The following AFF3 variants were observed in gnomAD, a reference collection of about 807,000 sequenced individuals.
AFF3 encodes ALF transcription elongation factor 3, also known as AF4/FMR2 family member 3.
In AFF3, 32 loss-of-function variants were observed where a neutral mutation model predicts 129.7. The ratio of observed to expected loss-of-function variants is 0.25; its 90% CI spans 0.19 to 0.33. AFF3 has a LOEUF of 0.33. Among genes scored for constraint, AFF3 ranks in the 10% least tolerant of loss-of-function variants. AFF3 has a pLI of 1.00. For synonymous variants in AFF3, 644 were observed against 635.4 expected (o/e 1.01, Z -0.20); for missense variants, 1,373 against 1,592.0 (o/e 0.86, Z 2.34).
intron 7 of AFF3, among the ~76,000 whole-genome samples, chr2:100,000,512 GCA>G (rs67954752): frequency 0.053 from 7,812 of 148,638 alleles, 649 homozygotes; most frequent in African/African-American, 0.18. Context: ...TAGCACGCGC[GCA>G]CACACACACA....
chr2:99,879,131 C>T (rs992860060), intron 7 of AFF3, among the ~76,000 whole-genome samples: 2 of 152,126 alleles, frequency 1.3e-5, no homozygotes, highest in African/African-American at 2.4e-5. Flanking sequence ...ACATAAAGCA[C>T]GCAGTTCTAA....
At chr2:99,617,974 GGGGATAAATTACCAGGCTTC>G (rs1681605702) in intron 13 of AFF3, among the ~76,000 whole-genome samples, 1 of 152,114 alleles carries the variant, frequency 6.6e-6, no homozygotes, top group East Asian at 1.9e-4. Flanking sequence ...CCCAACAAGT[GGGGATAAATTACCAGGCTTC>G]TGGTCCCATT....
At chr2:99,669,737 AGGCG>A (rs1686985805) in intron 12 of AFF3, among the ~76,000 whole-genome samples, 1 of 152,178 alleles carries the variant, frequency 6.6e-6, no homozygotes, top group Non-Finnish European at 1.5e-5. Flanking sequence ...TGGGAGGCCG[AGGCG>A]GGTGGATCAC....
intron 15 of AFF3, among the ~76,000 whole-genome samples, chr2:99,591,768 G>T (rs968240679): frequency 1.3e-5 from 2 of 152,140 alleles, no homozygotes; most frequent in Non-Finnish European, 2.9e-5. Flanking sequence ...ATTTCTTATT[G>T]TGACGCTCTG....
chr2:99,865,616 T>C (rs1691332104), intron 7 of AFF3, among the ~76,000 whole-genome samples: 1 of 152,226 alleles, frequency 6.6e-6, no homozygotes, highest in Non-Finnish European at 1.5e-5. Flanking sequence ...CAGCCCTGTG[T>C]GTCTAAAACT....
At chr2:99,933,176 T>C (rs1025683020) in intron 7 of AFF3, among the ~76,000 whole-genome samples, 9 of 152,142 alleles carry the variant, frequency 5.9e-5, no homozygotes, top group African/African-American at 2.2e-4. Flanking sequence ...ACTTAATTTC[T>C]CTGTCTTTGA....
chr2:99,653,818 T>G (rs371092369), intron 12 of AFF3, among the ~76,000 whole-genome samples: 1 of 151,998 alleles, frequency 6.6e-6, no homozygotes, highest in South Asian at 2.1e-4. Context: ...ACATGATGTA[T>G]GCTACCACGC....
chr2:99,968,723 G>GC (rs1313950082), intron 7 of AFF3, among the ~76,000 whole-genome samples: 1 of 152,132 alleles, frequency 6.6e-6, no homozygotes, highest in Non-Finnish European at 1.5e-5. Context: ...GGGACAAATG[G>GC]CCCATGGTTA....
At chr2:100,083,334 C>T (rs952584819) in intron 4 of AFF3, among the ~76,000 whole-genome samples, 4 of 152,198 alleles carry the variant, frequency 2.6e-5, no homozygotes, top group Non-Finnish European at 4.4e-5. Context: ...GACAAGAGAA[C>T]GCCCTACAGG....
intron 8 of AFF3, among the ~76,000 whole-genome samples, chr2:99,786,189 G>A (rs1279896625): frequency 6.6e-6 from 1 of 152,150 alleles, no homozygotes; most frequent in East Asian, 1.9e-4. Flanking sequence ...TTTTTATTCT[G>A]ACTGCCATTT....
At chr2:99,588,951 T>C (rs1266343985) in intron 15 of AFF3, among the ~76,000 whole-genome samples, 1 of 152,246 alleles carries the variant, frequency 6.6e-6, no homozygotes, top group African/African-American at 2.4e-5. Flanking sequence ...TCAGGCTTAC[T>C]GTAAATGAAG....
chr2:99,606,790 T>C (rs1377266836), intron 13 of AFF3, among the ~76,000 whole-genome samples: 6 of 151,780 alleles, frequency 4.0e-5, no homozygotes, highest in Non-Finnish European at 7.4e-5. Context: ...GGCAGGCACC[T>C]GTAGTCCCAG....
chr2:99,678,972 A>G (rs545138094), intron 11 of AFF3, among the ~76,000 whole-genome samples: 1 of 152,328 alleles, frequency 6.6e-6, no homozygotes, highest in East Asian at 1.9e-4. Context: ...TGTTCGGAAG[A>G]ACTTAGCTCA....
rs1685161949 is a variant in AFF3 at position 99,791,174 on chromosome 2, C to T, written c.922-38873G>A. ...GATAGGAGAGTAAGGGTTGAGGTTC[C>T]TCTTCTTTTTCTTTATTCAAGATGG... On this transcript the variant is annotated intron_variant, in intron 8 of 24. Coordinates refer to ENST00000672756, the MANE Select transcript of AFF3 (RefSeq NM_001386135.1). Among the ~76,000 whole-genome samples the T allele has an allele frequency of 2.0e-5, 3 of 152,100 alleles. No individual in the cohort carries two copies. The South Asian group carries it at 6.2e-4, about 32-fold the overall frequency.
intron 7 of AFF3, among the ~76,000 whole-genome samples, chr2:99,900,017 C>A (rs1370362271): frequency 6.6e-6 from 1 of 152,098 alleles, no homozygotes; most frequent in East Asian, 1.9e-4. Context: ...CTGCAATGAT[C>A]CCATAAGATT....
At chr2:99,843,322 G>A (rs1169810749) in intron 7 of AFF3, among the ~76,000 whole-genome samples, 1 of 152,256 alleles carries the variant, frequency 6.6e-6, no homozygotes, top group African/African-American at 2.4e-5. Context: ...ACCATCCCCT[G>A]TCAGGGGCTT....
chr2:99,594,197 G>A lies in AFF3; in HGVS notation c.1464C>T (p.Ser488=). 1.2e-6 allele frequency: 2 copies of A among 1,614,084 alleles called. No individual in the cohort carries two copies. The highest frequency in any genetic ancestry group is 1.7e-6 in the Non-Finnish European group (2 of 1,180,002). ...HKPPILIQNE[S]HGSESNQYYN... Reference sequence around the variant, plus strand: ...AGTACTGATTGCTCTCTGACCCGTGGCTTTCATTTTGGATCAGAATAGGAG... The same window carrying A: ...AGTACTGATTGCTCTCTGACCCGTGACTTTCATTTTGGATCAGAATAGGAG... Residue 488 remains serine, a synonymous_variant, in exon 15 of 25, where the codon AGC becomes AGT. Coordinates refer to ENST00000672756, the MANE Select transcript of AFF3 (RefSeq NM_001386135.1).
intron 13 of AFF3, among the ~76,000 whole-genome samples, chr2:99,602,913 C>T (rs148580925): frequency 6.6e-6 from 1 of 152,316 alleles, no homozygotes; most frequent in East Asian, 1.9e-4. Flanking sequence ...AACCACCAGA[C>T]AAGAAACTGT....
chr2:99,702,821 A>C (rs1575741798), intron 11 of AFF3, among the ~76,000 whole-genome samples: 2 of 152,304 alleles, frequency 1.3e-5, no homozygotes, highest in African/African-American at 4.8e-5. Context: ...CCCTTTGTTG[A>C]ATATGTGGTT....
Sources: gnomAD v4.1 joint callset for allele counts (sites outside exome capture counted in the v4.1 genomes callset) on GRCh38, gnomAD v4.1.1 for gene constraint, MANE v1.5 for transcripts, NCBI Gene and HGNC (gene_info 2026-07-23, HGNC 2026-07-21) for gene names.